The following INPP4B variants were observed in gnomAD, a reference collection of about 807,000 sequenced individuals.
INPP4B encodes the protein inositol polyphosphate-4-phosphatase type II B.
In INPP4B, 55 loss-of-function variants were observed where a neutral mutation model predicts 122.5. That is an observed-to-expected ratio of 0.45 (90% CI 0.36 to 0.56). The LOEUF (loss-of-function observed/expected upper bound fraction) is 0.56, where lower values mean the gene tolerates loss of function less well. Ranked by LOEUF, INPP4B falls within the 20% of genes least tolerant of loss-of-function variation. INPP4B has a pLI of 0.00. For synonymous variants in INPP4B, 403 were observed against 388.7 expected, an observed-to-expected ratio of 1.04 and a Z score of -0.43; for missense variants, 1,000 against 1,097.7, an observed-to-expected ratio of 0.91 and a Z score of 1.26.
intron 25 of INPP4B, among the ~76,000 whole-genome samples, chr4:142,076,096 C>T (rs146870121): frequency 1.4e-3 from 211 of 152,152 alleles, no homozygotes; most frequent in Middle Eastern, 3.4e-3. Context: ...GGCCTCCACA[C>T]TCACAGGGTC....
intron 1 of INPP4B, among the ~76,000 whole-genome samples, chr4:142,746,522 C>G (rs994781502): frequency 6.6e-6 from 1 of 152,030 alleles, no homozygotes. Context: ...GAAAAAAATA[C>G]TTTAAATTTC....
intron 9 of INPP4B, among the ~76,000 whole-genome samples, chr4:142,278,694 GAGGATCAAAA>G (rs1749791321): frequency 6.6e-6 from 1 of 151,854 alleles, no homozygotes. Context: ...TTACTGGTTG[GAGGATCAAAA>G]AGGGAAGCCA....
At chr4:142,209,610 T>C (rs1177777257) in intron 12 of INPP4B, among the ~76,000 whole-genome samples, 1 of 151,748 alleles carries the variant, frequency 6.6e-6, no homozygotes, top group East Asian at 1.9e-4. Flanking sequence ...CTGGCCAACA[T>C]GGTGAAACCC....
At chr4:142,296,184 T>A (rs1200005860) in intron 9 of INPP4B, among the ~76,000 whole-genome samples, 1 of 152,190 alleles carries the variant, frequency 6.6e-6, no homozygotes. Flanking sequence ...TAAACCAATT[T>A]GCAATCCGAC....
chr4:142,428,870 G>A (rs1808678571), intron 5 of INPP4B, among the ~76,000 whole-genome samples: 1 of 151,984 alleles, frequency 6.6e-6, no homozygotes, highest in South Asian at 2.1e-4. Flanking sequence ...CAGAGTTGCA[G>A]GAATGCTGGT....
At chr4:142,051,941 T>A (rs1429538588) in intron 25 of INPP4B, among the ~76,000 whole-genome samples, 1 of 152,026 alleles carries the variant, frequency 6.6e-6, no homozygotes, top group Non-Finnish European at 1.5e-5. Context: ...AACCTCTCAT[T>A]ACAAGAAAGC....
chr4:142,389,751 T>G lies in INPP4B; in HGVS notation c.372+13187A>C, dbSNP rs1183675094. On this transcript the variant is annotated intron_variant, in intron 7 of 25. Transcript: ENST00000262992. ...ATTTTTTACCAAGATTAAAATTTGC[T>G]AAGAGTTACCATGATAACATGTAAT... Among the ~76,000 whole-genome samples the G allele has an allele frequency of 2.0e-5, 3 of 152,200 alleles. No individual in the cohort carries two copies. The East Asian group carries it at 5.8e-4, about 29-fold the overall frequency.
chr4:142,376,804 C>A (rs1343141167), intron 7 of INPP4B, among the ~76,000 whole-genome samples: 1 of 152,002 alleles, frequency 6.6e-6, no homozygotes, highest in South Asian at 2.1e-4. Flanking sequence ...TGATTTTGAG[C>A]AAATTACTCA....
intron 2 of INPP4B, among the ~76,000 whole-genome samples, chr4:142,663,847 ACT>A (rs200137330): frequency 0.019 from 2,935 of 152,264 alleles, 91 homozygotes; most frequent in African/African-American, 0.066. Context: ...GGAAATTTTC[ACT>A]CTGATAAAAT....
chr4:142,408,989 C>T lies in INPP4B; in HGVS notation c.137-3665G>A, dbSNP rs1299363617. Among the ~76,000 whole-genome samples, 3 of 152,130 alleles carry T rather than the reference C, an allele frequency of 2.0e-5. No homozygotes were observed. The South Asian group carries it at 6.2e-4, about 32-fold the overall frequency. ...TATATTTTTAAACCATAATTTGTGA[C>T]TTGTCATCAGAAAAAAAATAAAGAG... On this transcript the variant is annotated intron_variant, in intron 5 of 25. Coordinates refer to ENST00000262992, the MANE Select transcript of INPP4B (RefSeq NM_001101669.3).
chr4:142,031,331 AG>A (rs1018759556), intron 25 of INPP4B, among the ~76,000 whole-genome samples: 2 of 152,158 alleles, frequency 1.3e-5, no homozygotes, highest in African/African-American at 4.8e-5. Context: ...CTTCTAACGA[AG>A]CTCCTTAGCC....
chr4:142,663,573 TTTC>T (rs1755558272), intron 2 of INPP4B, among the ~76,000 whole-genome samples: 1 of 152,088 alleles, frequency 6.6e-6, no homozygotes, highest in Non-Finnish European at 1.5e-5. Flanking sequence ...ATGGACAGGT[TTTC>T]TTCAATATAA....
At chr4:142,147,162 T>G (rs1811223407) in intron 17 of INPP4B, among the ~76,000 whole-genome samples, 1 of 152,156 alleles carries the variant, frequency 6.6e-6, no homozygotes, top group African/African-American at 2.4e-5. Context: ...TTCTCTATAA[T>G]AGAGCTATCC....
intron 1 of INPP4B, among the ~76,000 whole-genome samples, chr4:142,843,323 A>C (rs1308208760): frequency 6.6e-6 from 1 of 151,876 alleles, no homozygotes; most frequent in African/African-American, 2.4e-5. Flanking sequence ...ATATGATTAG[A>C]GTATGCTCTA....
At chr4:142,679,481 A>T (rs772697403) in intron 2 of INPP4B, among the ~76,000 whole-genome samples, 5 of 151,872 alleles carry the variant, frequency 3.3e-5, no homozygotes, top group Non-Finnish European at 7.4e-5. Flanking sequence ...AGAGTTTTTT[A>T]AAATTATGTA....
chr4:142,085,246 A>G (rs968549316), intron 24 of INPP4B, among the ~76,000 whole-genome samples: 2 of 152,224 alleles, frequency 1.3e-5, no homozygotes, highest in African/African-American at 4.8e-5. Flanking sequence ...GTGATATTGA[A>G]TTATAATTGA....
intron 1 of INPP4B, among the ~76,000 whole-genome samples, chr4:142,761,081 G>C (rs1289900815): frequency 1.3e-5 from 2 of 151,782 alleles, no homozygotes; most frequent in Non-Finnish European, 2.9e-5. Context: ...AGCTTCTCTG[G>C]CCCAGGACGT....
At chr4:142,701,314 C>A (rs1055214766) in intron 2 of INPP4B, among the ~76,000 whole-genome samples, 5 of 151,758 alleles carry the variant, frequency 3.3e-5, no homozygotes, top group Non-Finnish European at 7.4e-5. Flanking sequence ...AGGAGATGCC[C>A]CAAAACAGAG....
rs115791092 is a variant in INPP4B at position 142,260,370 on chromosome 4, A to T, written c.688+122T>A. 4.0e-4 allele frequency: 277 copies of T among 692,562 alleles called. 1 individual carries two copies. The Middle Eastern group carries it at 5.1e-3, about 13-fold the overall frequency. 42.9% of individuals were successfully genotyped at this position (692,562 alleles called of 1,614,324 possible). ...CCCCGCATTCTGCTGGCCCCTTATG[A>T]TTTCCCAGTGTATTTACTAAGCTTC... is the stretch of plus-strand genomic sequence containing the variant. On this transcript the variant is annotated intron_variant, in intron 11 of 25. Coordinates refer to ENST00000262992, the MANE Select transcript of INPP4B (RefSeq NM_001101669.3).
Sources: allele counts gnomAD v4.1 joint callset (sites outside exome capture counted in the v4.1 genomes callset), GRCh38; gene constraint gnomAD v4.1.1; transcripts MANE v1.5; gene names NCBI Gene and HGNC (gene_info 2026-07-23, HGNC 2026-07-21).